The following ATG5 variants were observed in gnomAD, a reference collection of about 807,000 sequenced individuals.
The protein encoded by ATG5 is autophagy related 5.
ATG5 carries 14 observed loss-of-function variants against 36.5 expected under a neutral mutation model. The ratio of observed to expected loss-of-function variants is 0.38; its 90% CI spans 0.25 to 0.60. The LOEUF (loss-of-function observed/expected upper bound fraction) is 0.60, where lower values mean the gene tolerates loss of function less well. Among genes scored for constraint, ATG5 ranks in the 20% least tolerant of loss-of-function variants. The pLI, the probability that ATG5 is intolerant of heterozygous loss-of-function variation, is 0.60. For missense variants in ATG5, 195 were observed against 326.7 expected, an observed-to-expected ratio of 0.60 and a Z score of 3.11; for synonymous variants, 95 against 101.5, an observed-to-expected ratio of 0.94 and a Z score of 0.38.
At chr6:106,229,704 T>C (rs1222334165) in intron 6 of ATG5, among the ~76,000 whole-genome samples, 1 of 152,152 alleles carries the variant, frequency 6.6e-6, no homozygotes, top group African/African-American at 2.4e-5. Context: ...CTGAAAACAC[T>C]AAGACCACTG....
At chr6:106,214,630 TA>T (rs1776972642) in intron 6 of ATG5, among the ~76,000 whole-genome samples, 1 of 152,162 alleles carries the variant, frequency 6.6e-6, no homozygotes, top group Non-Finnish European at 1.5e-5. Context: ...TTATACTTAT[TA>T]TAATTCTGTC....
At chr6:106,211,228 AAG>A (rs1465990803) in intron 6 of ATG5, among the ~76,000 whole-genome samples, 1 of 152,236 alleles carries the variant, frequency 6.6e-6, no homozygotes, top group Non-Finnish European at 1.5e-5. Flanking sequence ...AAAGCTATGA[AAG>A]AGAAAAACAT....
At chr6:106,318,443 A>G (rs550931441) in intron 1 of ATG5, among the ~76,000 whole-genome samples, 1 of 152,192 alleles carries the variant, frequency 6.6e-6, no homozygotes, top group Non-Finnish European at 1.5e-5. Context: ...AAGAGATACA[A>G]ATATAGACTT....
At chr6:106,290,054 ACT>A (rs1385656853) in intron 4 of ATG5, among the ~76,000 whole-genome samples, 1 of 145,780 alleles carries the variant, frequency 6.9e-6, no homozygotes, top group Non-Finnish European at 1.5e-5. Context: ...ACAGAGTTTC[ACT>A]CTGTCACCCA....
At chr6:106,232,454 G>A (rs916121680) in intron 6 of ATG5, among the ~76,000 whole-genome samples, 8 of 152,048 alleles carry the variant, frequency 5.3e-5, no homozygotes, top group Non-Finnish European at 7.4e-5. Context: ...GAGAACACCC[G>A]TTTGTTGTCC....
At chr6:106,230,104 G>A (rs556936663) in intron 6 of ATG5, among the ~76,000 whole-genome samples, 17 of 152,078 alleles carry the variant, frequency 1.1e-4, no homozygotes, top group Non-Finnish European at 1.9e-4. Context: ...AAATGACTGA[G>A]GAAAAAACCA....
chr6:106,217,874 T>C (rs1248686981), intron 6 of ATG5, among the ~76,000 whole-genome samples: 1 of 152,164 alleles, frequency 6.6e-6, no homozygotes, highest in Non-Finnish European at 1.5e-5. Context: ...CCCAACAGTA[T>C]TTCAGATTGA....
At chr6:106,289,635 G>A (rs1487626257) in intron 4 of ATG5, among the ~76,000 whole-genome samples, 2 of 151,674 alleles carry the variant, frequency 1.3e-5, no homozygotes, top group African/African-American at 4.8e-5. Flanking sequence ...TTATATTACT[G>A]ATATTTACAC....
intron 5 of ATG5, among the ~76,000 whole-genome samples, chr6:106,253,894 T>C (rs1778696335): frequency 6.6e-6 from 1 of 152,164 alleles, no homozygotes; most frequent in Non-Finnish European, 1.5e-5. Flanking sequence ...GACCAAACTC[T>C]ACATGCAGGC....
chr6:106,292,104 G>A (rs985490871), intron 4 of ATG5, among the ~76,000 whole-genome samples: 1 of 152,152 alleles, frequency 6.6e-6, no homozygotes, highest in South Asian at 2.1e-4. Context: ...TTGGAGAGAG[G>A]CCAAGGCAGG....
intron 7 of ATG5, among the ~76,000 whole-genome samples, chr6:106,196,703 A>C (rs1776206433): frequency 6.8e-6 from 1 of 148,104 alleles, no homozygotes; most frequent in South Asian, 2.1e-4. Context: ...AGCCTGAGCA[A>C]CAGAGTGAGA....
chr6:106,279,848 T>A (rs746966283), intron 4 of ATG5, 25 bp from the exon 5 acceptor site: 2 of 1,407,894 alleles, frequency 1.4e-6, no homozygotes, highest in Non-Finnish European at 1.9e-6. Flanking sequence ...AATATACATA[T>A]AAAACAGGAT....
At chr6:106,272,067 A>G (rs1173507341) in intron 5 of ATG5, among the ~76,000 whole-genome samples, 1 of 152,168 alleles carries the variant, frequency 6.6e-6, no homozygotes, top group Non-Finnish European at 1.5e-5. Flanking sequence ...CCCTTTCCCA[A>G]CAAAGTCCTT....
intron 3 of ATG5, among the ~76,000 whole-genome samples, chr6:106,303,304 TAAC>T (rs1010394062): frequency 1.3e-5 from 2 of 152,058 alleles, no homozygotes; most frequent in African/African-American, 2.4e-5. Context: ...GTTCATAAAT[TAAC>T]AACTTAGAAA....
intron 5 of ATG5, among the ~76,000 whole-genome samples, chr6:106,259,112 A>G (rs1778914002): frequency 1.3e-5 from 2 of 152,212 alleles, no homozygotes; most frequent in African/African-American, 4.8e-5. Context: ...GGACTGTTCA[A>G]GAAGTATTTT....
intron 1 of ATG5, among the ~76,000 whole-genome samples, chr6:106,321,643 C>T (rs576717107): frequency 2.6e-5 from 4 of 152,310 alleles, no homozygotes; most frequent in African/African-American, 7.2e-5. Context: ...CAGGCGTGAG[C>T]CACCGCGCCT....
In ATG5 at chr6:106,186,416, T is replaced by C; in HGVS notation, c.*124A>G. Reference sequence around the variant, plus strand: ...TCTGACATGGAATCTTTTTCCTGTCTGGCTTGCAGCAGCGAAGTGTTTCTG... The same window carrying C: ...TCTGACATGGAATCTTTTTCCTGTCCGGCTTGCAGCAGCGAAGTGTTTCTG... On this transcript the variant is annotated 3_prime_UTR_variant, in exon 8 of 8. Transcript: ENST00000369076. 1 of 1,167,766 alleles carries C rather than the reference T, an allele frequency of 8.6e-7. No individual in the cohort carries two copies. Among genetic ancestry groups the C allele is most frequent in the African/African-American group, 1.5e-5 (1 of 65,142 alleles). The allele number at this position is 1,167,766 out of a possible 1,614,324, so 72.3% of individuals were successfully genotyped here. A position where few individuals can be genotyped will look rare whatever the true frequency, so the allele number is the denominator to read the frequency against.
chr6:106,221,685 CAAA>C (rs11442463), intron 6 of ATG5, among the ~76,000 whole-genome samples: 13 of 70,932 alleles, frequency 1.8e-4, no homozygotes, highest in Non-Finnish European at 2.2e-4. Flanking sequence ...GACCCTGTCT[CAAA>C]AAAAAAAAAA....
At chr6:106,243,780 G>A (rs563941950) in intron 6 of ATG5, among the ~76,000 whole-genome samples, 13 of 151,828 alleles carry the variant, frequency 8.6e-5, no homozygotes, top group African/African-American at 3.1e-4. Context: ...TCAGTGAGCC[G>A]AGATTGCACT....
Sources: gnomAD v4.1 joint callset for allele counts (sites outside exome capture counted in the v4.1 genomes callset) on GRCh38, gnomAD v4.1.1 for gene constraint, MANE v1.5 for transcripts, NCBI Gene and HGNC (gene_info 2026-07-23, HGNC 2026-07-21) for gene names.